ARHGAP29: variants seen among roughly 807,000 people sequenced by gnomAD.
The protein encoded by ARHGAP29 is Rho GTPase activating protein 29.
ARHGAP29 carries 43 observed loss-of-function variants against 122.6 expected under a neutral mutation model. That is an observed-to-expected ratio of 0.35 (90% CI 0.27 to 0.45). The LOEUF is 0.45. ARHGAP29 is among the 20% of genes least tolerant of loss of function. ARHGAP29 has a pLI of 1.00. For synonymous variants in ARHGAP29, 506 were observed against 497.1 expected (o/e 1.02, Z -0.24); for missense variants, 1,303 against 1,477.2 (o/e 0.88, Z 1.93).
At position 94,231,416 on chromosome 1, in the gene ARHGAP29, T is replaced by C. The variant is rs1652910722; in HGVS notation, c.196A>G (p.Ile66Val). 1.9e-6 allele frequency: 3 copies of C among 1,612,216 alleles called. No individual in the cohort carries two copies. Among genetic ancestry groups the C allele is most frequent in the Non-Finnish European group, 2.5e-6 (3 of 1,178,614 alleles). The change falls in exon 2 of 23, where the codon ATA (isoleucine) becomes GTA (valine). Residue 66 changes from isoleucine to valine, a missense_variant. Around this residue, in one of 3 missense-constraint regions of ARHGAP29, gnomAD observed 592 missense variants for 648.2 expected, o/e 0.91. Transcript: ENST00000260526. ...SHMLLYLKEA[I>V]FSDCFKEVIH... ...TAGAAAAGTGACAAACCTGAAAATA[T>C]GGCTTCTTTCAAATATAGTAACATG...
chr1:94,189,253 A>C lies in ARHGAP29; in HGVS notation c.1539T>G (p.Ile513Met). The C allele has an allele frequency of 6.2e-7, 1 of 1,612,976 alleles. No individual in the cohort carries two copies. Among genetic ancestry groups the C allele is most frequent in the Non-Finnish European group, 8.5e-7 (1 of 1,179,460 alleles). Residue 513 changes from isoleucine (I) to methionine (M), a missense_variant, in exon 14 of 23, where the codon ATT (isoleucine) becomes ATG (methionine). Physicochemically the swap from Ile to Met is conservative, Grantham distance 10. This residue lies in a region of ARHGAP29 where 592 missense variants were observed against 648.2 expected (regional missense o/e 0.91). Coordinates refer to ENST00000260526, the MANE Select transcript of ARHGAP29 (RefSeq NM_004815.4). The stretch of plus-strand genomic sequence containing the variant: ...CACTGTTAGAGCATCTGTCCTCTTC[A>C]ATTTTATTAGAACTGTCAGGAAGGC... ...VVRLPDSSNK[I>M]EEDRCSNSAD...
At chr1:94,247,474 T>C (rs2100688050) in intron 1 of ARHGAP29, among the ~76,000 whole-genome samples, 1 of 151,180 alleles carries the variant, frequency 6.6e-6, no homozygotes, top group East Asian at 2.0e-4. Flanking sequence ...TGCCGGACCC[T>C]GGACGGCAAC....
intron 1 of ARHGAP29, among the ~76,000 whole-genome samples, chr1:94,236,274 T>C (rs1413896484): frequency 6.6e-6 from 1 of 152,192 alleles, no homozygotes; most frequent in African/African-American, 2.4e-5. Flanking sequence ...TAGCACGCTT[T>C]AAAAAGAGGA....
upstream of ARHGAP29, among the ~76,000 whole-genome samples, chr1:94,278,682 G>C (rs912716947): frequency 2.0e-5 from 3 of 152,162 alleles, no homozygotes; most frequent in Non-Finnish European, 2.9e-5. Flanking sequence ...TTGAAGTTGA[G>C]GATGTCTTAA....
intron 3 of ARHGAP29, among the ~76,000 whole-genome samples, chr1:94,219,039 A>G (rs762447929): frequency 4.6e-5 from 7 of 152,022 alleles, no homozygotes; most frequent in Non-Finnish European, 7.4e-5. Flanking sequence ...TCCCCAAAGA[A>G]GAGTTTCCTT....
chr1:94,184,311 T>G (rs1649658214), intron 18 of ARHGAP29, 23 bp from the exon 19 acceptor site: 1 of 1,582,134 alleles, frequency 6.3e-7, no homozygotes, highest in Admixed American at 1.9e-5. Flanking sequence ...AGAAAAAAAT[T>G]TTGCAAAATT....
chr1:94,311,859 A>T, the ARHGAP29 span, among the ~76,000 whole-genome samples: 1 of 152,194 alleles, frequency 6.6e-6, no homozygotes, highest in Non-Finnish European at 1.5e-5. Context: ...TTAACAATGC[A>T]AGGCTCCTTC....
chr1:94,233,367 A>G (rs1437623719), intron 1 of ARHGAP29, among the ~76,000 whole-genome samples: 2 of 151,782 alleles, frequency 1.3e-5, no homozygotes, highest in African/African-American at 4.8e-5. Flanking sequence ...TTTCTGATCT[A>G]CAGGGTTCTC....
intron 3 of ARHGAP29, among the ~76,000 whole-genome samples, chr1:94,218,161 TC>T (rs1652069310): frequency 6.6e-6 from 1 of 152,158 alleles, no homozygotes; most frequent in African/African-American, 2.4e-5. Context: ...TTAAATGGCC[TC>T]AAAAGTGAGA....
intron 15 of ARHGAP29, among the ~76,000 whole-genome samples, 188 bp downstream of exon 15, chr1:94,188,649 T>G (rs1248511639): frequency 6.6e-6 from 1 of 152,134 alleles, no homozygotes; most frequent in East Asian, 1.9e-4. Flanking sequence ...TCTAATATAC[T>G]GATAATCGTC....
chr1:94,208,848 A>T lies in ARHGAP29; in HGVS notation c.494T>A (p.Val165Asp), dbSNP rs1450139524. ...TTAGCTTACCTTAGTTTCTCGAGAAACAGGCAGTCGCAATAATGAATCATT... is the reference window on the plus strand; with the variant it reads ...TTAGCTTACCTTAGTTTCTCGAGAATCAGGCAGTCGCAATAATGAATCATT... ...VGNDSLLRLP[V>D]SRETKSFENV... is the part of the protein sequence containing the mutation. Residue 165 changes from valine to aspartate, a missense_variant, in exon 5 of 23, where the codon GTT (valine) becomes GAT (aspartate). Coordinates refer to ENST00000260526, the MANE Select transcript of ARHGAP29 (RefSeq NM_004815.4). The T allele has an allele frequency of 6.2e-7, 1 of 1,614,038 alleles. No homozygotes were observed. The highest frequency in any genetic ancestry group is 8.5e-7 in the Non-Finnish European group (1 of 1,179,930).
intron 19 of ARHGAP29, among the ~76,000 whole-genome samples, chr1:94,181,895 C>G (rs1467277275): frequency 6.6e-6 from 1 of 151,540 alleles, no homozygotes; most frequent in Non-Finnish European, 1.5e-5. Context: ...TTCAAAGACT[C>G]AGTAACAAAA....
intron 1 of ARHGAP29, chr1:94,248,244 C>G (rs1018090272): frequency 1.3e-5 from 2 of 152,230 alleles, no homozygotes; most frequent in African/African-American, 4.8e-5. Context: ...ATTATACAGT[C>G]CCCGACACAT....
At chr1:94,259,039 A>G (rs1373267628) in intron 1 of ARHGAP29, among the ~76,000 whole-genome samples, 1 of 152,112 alleles carries the variant, frequency 6.6e-6, no homozygotes, top group East Asian at 1.9e-4. Context: ...CTGCAAGAAG[A>G]TATTTTCTTG....
At chr1:94,263,582 C>T (rs1654643440) in intron 1 of ARHGAP29, among the ~76,000 whole-genome samples, 1 of 152,058 alleles carries the variant, frequency 6.6e-6, no homozygotes, top group East Asian at 1.9e-4. Context: ...TTGGGTTTTA[C>T]ATAATATGTT....
At chr1:94,291,586 G>A in the ARHGAP29 span, among the ~76,000 whole-genome samples, 1 of 152,134 alleles carries the variant, frequency 6.6e-6, no homozygotes, top group African/African-American at 2.4e-5. Flanking sequence ...GCAGTGGCTG[G>A]TACCAGTTGT....
At chr1:94,214,064 T>C (rs897950987) in intron 3 of ARHGAP29, among the ~76,000 whole-genome samples, 2 of 152,306 alleles carry the variant, frequency 1.3e-5, no homozygotes, top group South Asian at 2.1e-4. Flanking sequence ...AACAGTAATA[T>C]ATACTGATAA....
At position 94,169,971 on chromosome 1, in the gene ARHGAP29, G is replaced by A. The variant is rs1008992488; in HGVS notation, c.*3898C>T. 6.6e-6 allele frequency among the ~76,000 whole-genome samples: 1 copy of A among 152,168 alleles called. No individual in the cohort carries two copies. The highest frequency in any genetic ancestry group is 6.5e-5 in the Admixed American group (1 of 15,276). The stretch of plus-strand genomic sequence containing the variant: ...ATCTATACTGATTTAAGTGAATGAA[G>A]GAATAGAGAAGGAAGAGCTCTTCCT... On this transcript the variant is annotated 3_prime_UTR_variant, in exon 23 of 23. Coordinates refer to ENST00000260526, the MANE Select transcript of ARHGAP29 (RefSeq NM_004815.4).
chr1:94,290,881 A>G, the ARHGAP29 span, among the ~76,000 whole-genome samples: 30 of 152,198 alleles, frequency 2.0e-4, no homozygotes, highest in Non-Finnish European at 3.5e-4. Context: ...ATGTGCTGTG[A>G]GAAGAATGTA....
Sources: gnomAD v4.1 joint callset for allele counts (sites outside exome capture counted in the v4.1 genomes callset) on GRCh38, gnomAD v4.1.1 for gene constraint, gnomAD v4.1.1 regional missense constraint, MANE v1.5 for transcripts, NCBI Gene and HGNC (gene_info 2026-07-23, HGNC 2026-07-21) for gene names.